Variants in ZSCAN16 observed in about 807,000 individuals in gnomAD.
The protein encoded by ZSCAN16 is zinc finger and SCAN domain-containing protein 16.
A neutral mutation model predicts 19.4 loss-of-function variants in ZSCAN16; 15 were observed. The observed-to-expected ratio is 0.77, with a 90% CI of 0.52 to 1.19. The LOEUF (loss-of-function observed/expected upper bound fraction) is 1.19, where lower values mean the gene tolerates loss of function less well. Ranked by LOEUF, ZSCAN16 falls within the 50% of genes most tolerant of loss-of-function variation. ZSCAN16 has a pLI of 0.00. For missense variants in ZSCAN16, 327 were observed against 415.7 expected, an observed-to-expected ratio of 0.79 and a Z score of 1.86; for synonymous variants, 138 against 146.5, an observed-to-expected ratio of 0.94 and a Z score of 0.42.
rs1581503294 is a variant in ZSCAN16, at chr6:28,125,990, T to C, written c.387+160T>C. 6.6e-6 allele frequency among the ~76,000 whole-genome samples: 1 copy of C among 152,072 alleles called. No individual in the cohort carries two copies. The highest frequency in any genetic ancestry group is 6.5e-5 in the Admixed American group (1 of 15,278). On this transcript the variant is annotated intron_variant, in intron 2 of 3. Coordinates refer to ENST00000340487, the MANE Select transcript of ZSCAN16 (RefSeq NM_025231.3). This position sits in a 1 kb window ranked among gnomAD's most constrained non-coding sequence, Gnocchi z 6.2. ...GTCAAATAATTAAAGTGTGGCTGGG[T>C]AAAGAGAGGAGAGTCACTAGACTGA...
At position 28,129,849 on chromosome 6, in the gene ZSCAN16, G is replaced by A; in HGVS notation, c.946G>A (p.Gly316Ser). Residue 316 changes from glycine (G) to serine (S), a missense_variant, in exon 4 of 4, where the codon GGT (glycine) becomes AGT (serine). Physicochemically the swap from Gly to Ser is moderately conservative, Grantham distance 56. Coordinates refer to ENST00000340487, the MANE Select transcript of ZSCAN16 (RefSeq NM_025231.3). ...TATTCAGCATCAGAGAATCCACACA[G>A]GTGAAAAACCCTATGAATGTGATGA... ...GLIQHQRIHT[G>S]EKPYECDECG... is the part of the protein sequence containing the mutation. 2 of 1,614,146 alleles carry A rather than the reference G, an allele frequency of 1.2e-6. No homozygotes were observed. The highest frequency in any genetic ancestry group is 1.7e-6 in the Non-Finnish European group (2 of 1,180,034).
intron 2 of ZSCAN16, among the ~76,000 whole-genome samples, chr6:28,126,338 A>T (rs1764902542): frequency 1.3e-5 from 2 of 152,270 alleles, no homozygotes; most frequent in Middle Eastern, 3.4e-3. Flanking sequence ...ATTTTTAATG[A>T]GGTATTTTAG....
rs1764987770 is a variant in ZSCAN16 at position 28,129,363 on chromosome 6, C to T, written c.527-67C>T. ...CATTTATAACATTTACATGTTCTTT[C>T]TTCCATAGGCTGTTTGCTTCTCAAA... On this transcript the variant is annotated intron_variant, in intron 3 of 3. Transcript: ENST00000340487. 10 of 1,514,042 alleles carry T rather than the reference C, an allele frequency of 6.6e-6. No individual in the cohort carries two copies. In the East Asian group the frequency reaches 2.3e-4, roughly 35 times the overall value. The allele number at this position is 1,514,042 out of a possible 1,614,324, so 93.8% of individuals were successfully genotyped here. A position where few individuals can be genotyped will look rare whatever the true frequency, so the allele number is the denominator to read the frequency against.
rs1561810993 is a variant in ZSCAN16, at chr6:28,129,585, TG to T, written c.684del (p.Trp228CysfsTer62). The T allele has an allele frequency of 1.2e-6, 2 of 1,614,058 alleles. No homozygotes were observed. Among genetic ancestry groups the T allele is most frequent in the African/African-American group, 2.7e-5 (2 of 74,916 alleles). ...TATTGAAAATGAGGGCAGATCAGAA[TG>T]GCAACAGAGGGAAAGAAGACGATAT... is the stretch of plus-strand genomic sequence containing the variant. ...DIIENEGRSE[W>X]QQRERRRYKC... On this transcript the variant is annotated frameshift_variant, in exon 4 of 4. Transcript: ENST00000340487. LOFTEE classifies it low-confidence loss of function (END_TRUNC).
At position 28,129,665 on chromosome 6, in the gene ZSCAN16, C is replaced by A. The variant is rs113926481; in HGVS notation, c.762C>A (p.His254Gln). ...GTCATAGCTCAGACCTTAGTAAACA[C>A]AGGAGAACTCACACGGGAGAGAAGC... Reference protein sequence around the residue: ...SFSHSSDLSKHRRTHTGEKPY... With the variant: ...SFSHSSDLSKQRRTHTGEKPY... Residue 254 changes from histidine to glutamine, a missense_variant, in exon 4 of 4, where the codon CAC (histidine) becomes CAA (glutamine). Physicochemically the swap from His to Gln is conservative, Grantham distance 24 (BLOSUM62 0). Transcript: ENST00000340487. 2 of 1,614,160 alleles carry A rather than the reference C, an allele frequency of 1.2e-6. No individual in the cohort carries two copies. The highest frequency in any genetic ancestry group is 1.3e-5 in the African/African-American group (1 of 75,054).
At chr6:28,127,231 T>C (rs1407023893) in intron 3 of ZSCAN16, among the ~76,000 whole-genome samples, 2 of 152,240 alleles carry the variant, frequency 1.3e-5, no homozygotes, top group African/African-American at 2.4e-5. Context: ...GGAGAACTTA[T>C]GGCACTCTGT....
At chr6:28,126,071 G>A (rs1007409715) in intron 2 of ZSCAN16, among the ~76,000 whole-genome samples, 1 of 152,010 alleles carries the variant, frequency 6.6e-6, no homozygotes, top group Non-Finnish European at 1.5e-5. Context: ...AGGCAATCAG[G>A]TATCAGAGGA....
intron 3 of ZSCAN16, among the ~76,000 whole-genome samples, chr6:28,129,045 C>T (rs1764980106): frequency 6.6e-6 from 1 of 152,232 alleles, no homozygotes; most frequent in South Asian, 2.1e-4. Context: ...TTCTCCCAAA[C>T]TTTTACCTCC....
chr6:28,125,710 C>T lies in ZSCAN16; in HGVS notation c.267C>T (p.Phe89=). ...TAGACCTGCTGGTGCTAGAACAGTT[C>T]CTGAGCATTCTTCCTAAAGACCTGC... ...QILDLLVLEQ[F]LSILPKDLQA... is the part of the protein sequence containing the mutation. The change falls in exon 2 of 4, where the codon TTC becomes TTT. Residue 89 remains phenylalanine, a synonymous_variant. Transcript: ENST00000340487. The surrounding 1 kb of genome is among the most constrained non-coding windows in gnomAD (Gnocchi z 6.2). The T allele has an allele frequency of 6.2e-7, 1 of 1,614,192 alleles. No individual in the cohort carries two copies. The highest frequency in any genetic ancestry group is 8.5e-7 in the Non-Finnish European group (1 of 1,180,036).
At position 28,127,050 on chromosome 6, in the gene ZSCAN16, ATCC is replaced by A. The variant is rs3831314; in HGVS notation, c.526+135_526+137del. ...CCTCCACCTCACTATGGACAATTTT[ATCC>A]TCCTCTTACCCTTGCTCCATGATGG... On this transcript the variant is annotated intron_variant, in intron 3 of 3. Transcript: ENST00000340487. 555 of 801,498 alleles carry A rather than the reference ATCC, an allele frequency of 6.9e-4. 8 individuals are homozygous for A. The East Asian group carries it at 0.017, about 25-fold the overall frequency. The allele number at this position is 801,498 out of a possible 1,614,324, so 49.6% of individuals were successfully genotyped here. A position where few individuals can be genotyped will look rare whatever the true frequency, so the allele number is the denominator to read the frequency against.
intron 3 of ZSCAN16, among the ~76,000 whole-genome samples, chr6:28,128,389 C>T (rs6456808): frequency 3.5e-4 from 53 of 152,238 alleles, no homozygotes; most frequent in African/African-American, 1.2e-3. Flanking sequence ...ACTTACATTA[C>T]TTCTCTTCAA....
Position 28,125,610 on chromosome 6 carries a change from G to A in ZSCAN16, c.167G>A (p.Arg56His), listed in dbSNP as rs139183613. ...TGCTATCAGGATGCACCTGGACCCC[G>A]TGAAGCTCTTACCCAGCTGTGGGAG... ...KLCYQDAPGP[R>H]EALTQLWELC... The change falls in exon 2 of 4, where the codon CGT becomes CAT. Residue 56 changes from arginine to histidine, a missense_variant. Transcript: ENST00000340487. The surrounding 1 kb of genome is among the most constrained non-coding windows in gnomAD (Gnocchi z 6.2). The A allele has an allele frequency of 1.2e-5, 20 of 1,614,226 alleles. No homozygotes were observed. The highest frequency in any genetic ancestry group is 2.2e-5 in the South Asian group (2 of 91,086).
chr6:28,125,043 A>AGT lies in ZSCAN16; in HGVS notation c.-32+368_-31-367dup, dbSNP rs1241986974. Among the ~76,000 whole-genome samples, 1 of 152,204 alleles carries AGT rather than the reference A, an allele frequency of 6.6e-6. No homozygotes were observed. The highest frequency in any genetic ancestry group is 1.5e-5 in the Non-Finnish European group (1 of 68,042). ...ACTTGGCGTTTATTTAGTGCTTACT[A>AGT]GTGCCCGCTGCCATGCCAGGGACGT... On this transcript the variant is annotated intron_variant, in intron 1 of 3. Coordinates refer to ENST00000340487, the MANE Select transcript of ZSCAN16 (RefSeq NM_025231.3). This position sits in a 1 kb window ranked among gnomAD's most constrained non-coding sequence, Gnocchi z 6.2.
chr6:28,126,259 T>C (rs1467820576), intron 2 of ZSCAN16, among the ~76,000 whole-genome samples: 3 of 144,158 alleles, frequency 2.1e-5, no homozygotes, highest in Non-Finnish European at 4.6e-5. Flanking sequence ...AATTTTCTAG[T>C]AGCCACATTA....
Position 28,126,853 on chromosome 6 carries a change from CACTG to C in ZSCAN16, c.463_466del (p.Thr155SerfsTer47). The C allele has an allele frequency of 6.3e-7, 1 of 1,592,410 alleles. No homozygotes were observed. The highest frequency in any genetic ancestry group is 8.6e-7 in the Non-Finnish European group (1 of 1,165,874). ...GCCCCCTTGGGAAGGCCATATGAAT[CACTG>C]ACTGTCCAGCTCCATCCCAAAAAGA... On this transcript the variant is annotated frameshift_variant, in exon 3 of 4. Transcript: ENST00000340487. LOFTEE classifies it high-confidence loss of function.
intron 2 of ZSCAN16, 22 bp from the exon 3 acceptor site, chr6:28,126,761 T>G (rs1443584715): frequency 7.0e-7 from 1 of 1,420,124 alleles, no homozygotes; most frequent in Non-Finnish European, 9.3e-7. Flanking sequence ...AAAATTCACC[T>G]TACACACCTC....
At position 28,125,785 on chromosome 6, in the gene ZSCAN16, G is replaced by A. The variant is rs1443019309; in HGVS notation, c.342G>A (p.Thr114=). The A allele has an allele frequency of 1.1e-5, 17 of 1,613,196 alleles. No homozygotes were observed. The highest frequency in any genetic ancestry group is 3.3e-5 in the South Asian group (3 of 91,006). The change falls in exon 2 of 4, where the codon ACG becomes ACA. Residue 114 remains threonine, a synonymous_variant. Transcript: ENST00000340487. This position sits in a 1 kb window ranked among gnomAD's most constrained non-coding sequence, Gnocchi z 6.2. ...HHPETGEEAV[T]VLEDLERELD... is the part of the protein sequence containing the mutation. ...CAGAGACTGGAGAGGAGGCAGTGAC[G>A]GTACTGGAGGATCTGGAGAGAGAGC...
At chr6:28,127,667 CAA>C (rs1160375591) in intron 3 of ZSCAN16, among the ~76,000 whole-genome samples, 1 of 152,170 alleles carries the variant, frequency 6.6e-6, no homozygotes, top group African/African-American at 2.4e-5. Flanking sequence ...GTCAATACAG[CAA>C]AGTTTCTTGT....
intron 3 of ZSCAN16, among the ~76,000 whole-genome samples, chr6:28,128,627 C>T (rs1225373250): frequency 1.3e-5 from 2 of 152,054 alleles, no homozygotes; most frequent in Non-Finnish European, 2.9e-5. Flanking sequence ...ATAGCAACTG[C>T]TCTGAGTTTG....
Sources: gnomAD v4.1 joint callset for allele counts (sites outside exome capture counted in the v4.1 genomes callset) on GRCh38, gnomAD v4.1.1 for gene constraint, Gnocchi (gnomAD v3.1) non-coding constraint, MANE v1.5 for transcripts, NCBI Gene and HGNC (gene_info 2026-07-23, HGNC 2026-07-21) for gene names.